The following FAM83B variants were observed in gnomAD, a reference collection of about 807,000 sequenced individuals.
FAM83B encodes scaffolding CK1 anchoring protein B.
A neutral mutation model predicts 38.8 loss-of-function variants in FAM83B; 26 were observed. That is an observed-to-expected ratio of 0.67 (90% CI 0.49 to 0.93). The LOEUF (loss-of-function observed/expected upper bound fraction) is 0.93. Among genes scored for constraint, FAM83B ranks in the 40% least tolerant of loss-of-function variants. FAM83B has a pLI of 0.00. For missense variants in FAM83B, 1,237 were observed against 1,197.3 expected (o/e 1.03, Z -0.49); for synonymous variants, 419 against 423.1 (o/e 0.99, Z 0.12).
At chr6:54,899,893 G>A (rs1383648689) in intron 2 of FAM83B, among the ~76,000 whole-genome samples, 1 of 152,028 alleles carries the variant, frequency 6.6e-6, no homozygotes, top group Non-Finnish European at 1.5e-5. Flanking sequence ...CTGACTGAAG[G>A]TAAGTTGCGC....
At position 54,907,754 on chromosome 6, in the gene FAM83B, A is replaced by T. The variant is rs376156172; in HGVS notation, c.445-18617A>T. On this transcript the variant is annotated intron_variant, in intron 2 of 4. Coordinates refer to ENST00000306858, the MANE Select transcript of FAM83B (RefSeq NM_001010872.3). ...TTCTGTTCCATGCGAGGTTCTGGTTAAACACTGTAATGTTGCCAAATTTTT... is the reference window on the plus strand; with the variant it reads ...TTCTGTTCCATGCGAGGTTCTGGTTTAACACTGTAATGTTGCCAAATTTTT... Among the ~76,000 whole-genome samples the T allele has an allele frequency of 3.3e-5, 5 of 152,144 alleles. No individual in the cohort carries two copies. In the South Asian group the frequency reaches 8.3e-4, roughly 25 times the overall value.
At position 54,926,379 on chromosome 6, in the gene FAM83B, T is replaced by C; in HGVS notation, c.453T>C (p.Ala151=). ...KMIKEARKVI[A]LVMDIFTDVD... ...ATTCTTATATTTAACAGGTCATTGCTTTAGTGATGGATATATTTACAGATG... is the reference window on the plus strand; with the variant it reads ...ATTCTTATATTTAACAGGTCATTGCCTTAGTGATGGATATATTTACAGATG... The change falls in exon 3 of 5, where the codon GCT becomes GCC. Residue 151 remains alanine, a synonymous_variant. Coordinates refer to ENST00000306858, the MANE Select transcript of FAM83B (RefSeq NM_001010872.3). 1 of 1,590,044 alleles carries C rather than the reference T, an allele frequency of 6.3e-7. No homozygotes were observed. Among genetic ancestry groups the C allele is most frequent in the Non-Finnish European group, 8.6e-7 (1 of 1,165,576 alleles).
intron 4 of FAM83B, among the ~76,000 whole-genome samples, chr6:54,931,095 A>G (rs979197332): frequency 2.0e-5 from 3 of 152,130 alleles, no homozygotes; most frequent in African/African-American, 4.8e-5. Context: ...ATTTCCACAT[A>G]TCTGTGAACT....
chr6:54,925,339 A>C (rs1172041646), intron 2 of FAM83B, among the ~76,000 whole-genome samples: 1 of 151,970 alleles, frequency 6.6e-6, no homozygotes, highest in African/African-American at 2.4e-5. Context: ...GTCTTCCCCC[A>C]CTAGAATGTA....
At chr6:54,895,678 G>T (rs1487188050) in intron 2 of FAM83B, among the ~76,000 whole-genome samples, 3 of 152,052 alleles carry the variant, frequency 2.0e-5, no homozygotes, top group Admixed American at 6.6e-5. Flanking sequence ...TTTGTTGAGA[G>T]GGACTTCTAC....
At chr6:54,869,572 G>A (rs1462939802) in intron 1 of FAM83B, among the ~76,000 whole-genome samples, 2 of 151,804 alleles carry the variant, frequency 1.3e-5, no homozygotes, top group South Asian at 4.2e-4. Context: ...TCCTTGTATG[G>A]GATGGAAATA....
intron 2 of FAM83B, among the ~76,000 whole-genome samples, chr6:54,906,189 T>C (rs1282874936): frequency 2.0e-5 from 3 of 152,052 alleles, no homozygotes; most frequent in African/African-American, 4.8e-5. Flanking sequence ...CCACAAGATA[T>C]AGAGTGTCTA....
rs767890059 is a variant in FAM83B, at chr6:54,940,180, T to C, written c.1209T>C (p.Asn403=). Residue 403 remains asparagine, a synonymous_variant, in exon 5 of 5, where the codon AAT becomes AAC. Coordinates refer to ENST00000306858, the MANE Select transcript of FAM83B (RefSeq NM_001010872.3). ...QPETVPYLLL[N]RALNRTNNPP... is the part of the protein sequence containing the mutation. ...AAACAGTGCCATACCTCCTGCTTAA[T>C]AGGGCTCTGAATAGAACCAATAATC... is the stretch of plus-strand genomic sequence containing the variant. 4.3e-6 allele frequency: 7 copies of C among 1,614,094 alleles called. No individual in the cohort carries two copies. The highest frequency in any genetic ancestry group is 1.1e-5 in the South Asian group (1 of 91,082).
intron 2 of FAM83B, among the ~76,000 whole-genome samples, chr6:54,892,122 C>G (rs1161743045): frequency 6.6e-6 from 1 of 152,210 alleles, no homozygotes; most frequent in Non-Finnish European, 1.5e-5. Flanking sequence ...TAGCCACTTG[C>G]CTGAATGATC....
intron 1 of FAM83B, among the ~76,000 whole-genome samples, chr6:54,854,552 T>C (rs1186279550): frequency 6.6e-6 from 1 of 152,224 alleles, no homozygotes; most frequent in Non-Finnish European, 1.5e-5. Context: ...ATAGTTAGCA[T>C]TTCTTTAGGG....
chr6:54,927,580 GA>G lies in FAM83B; in HGVS notation c.684del (p.Glu228AspfsTer6). ...KTGAKFHGKM[E>X]QKFLLVDCQK... The stretch of plus-strand genomic sequence containing the variant: ...AGGGGCAAAATTCCATGGAAAAATG[GA>G]ACAGAAATTTTTGTTAGTTGACTGC... On this transcript the variant is annotated frameshift_variant, in exon 4 of 5. Transcript: ENST00000306858. LOFTEE classifies it high-confidence loss of function. 6.2e-7 allele frequency: 1 copy of G among 1,608,428 alleles called. No homozygotes were observed. The highest frequency in any genetic ancestry group is 8.5e-7 in the Non-Finnish European group (1 of 1,176,580).
intron 2 of FAM83B, among the ~76,000 whole-genome samples, chr6:54,894,687 G>T (rs1772488761): frequency 6.6e-6 from 1 of 152,090 alleles, no homozygotes; most frequent in Non-Finnish European, 1.5e-5. Context: ...TGCTACTTAA[G>T]TTTTTTTGTG....
At chr6:54,859,030 A>G (rs1366023437) in intron 1 of FAM83B, among the ~76,000 whole-genome samples, 2 of 152,082 alleles carry the variant, frequency 1.3e-5, no homozygotes, top group Non-Finnish European at 2.9e-5. Context: ...CTGTATGGGC[A>G]TTATAATTCC....
Position 54,944,160 on chromosome 6 carries a change from G to C in FAM83B, c.*2153G>C, listed in dbSNP as rs760289035. 6.6e-6 allele frequency: 1 copy of C among 151,870 alleles called. No homozygotes were observed. The highest frequency in any genetic ancestry group is 2.4e-5 in the African/African-American group (1 of 41,326). The allele number at this position is 151,870 out of a possible 1,614,324, so 9.4% of individuals were successfully genotyped here. On this transcript the variant is annotated 3_prime_UTR_variant, in exon 5 of 5. Transcript: ENST00000306858. ...GTCTCTGTGGCCAAAACCTCTCCAGGGATAAGACTGAGCAAGAATATAATA... is the reference window on the plus strand; with the variant it reads ...GTCTCTGTGGCCAAAACCTCTCCAGCGATAAGACTGAGCAAGAATATAATA...
chr6:54,884,177 C>CT (rs200070363), intron 2 of FAM83B, among the ~76,000 whole-genome samples: 1,685 of 152,022 alleles, frequency 0.011, 35 homozygotes, highest in African/African-American at 0.039. Context: ...TGGTGTGCGC[C>CT]TGCAGTCCCA....
intron 2 of FAM83B, among the ~76,000 whole-genome samples, chr6:54,909,328 C>T (rs1384053854): frequency 6.6e-6 from 1 of 152,184 alleles, no homozygotes; most frequent in East Asian, 1.9e-4. Context: ...TCCAATCCAA[C>T]TCCCTCTTGG....
At chr6:54,880,413 G>A (rs9396004) in intron 2 of FAM83B, among the ~76,000 whole-genome samples, 134,504 of 149,072 alleles carry the variant, frequency 0.9, 61,089 homozygotes, top group East Asian at 1. Context: ...TGTTTTACTA[G>A]TGCGACAAAT....
intron 2 of FAM83B, among the ~76,000 whole-genome samples, chr6:54,890,808 C>G (rs1772384370): frequency 6.6e-6 from 1 of 152,054 alleles, no homozygotes; most frequent in African/African-American, 2.4e-5. Context: ...ATGTTTTAAA[C>G]TCAACTGAAC....
At chr6:54,853,195 A>G (rs4715487) in intron 1 of FAM83B, among the ~76,000 whole-genome samples, 149,693 of 152,334 alleles carry the variant, frequency 0.98, 73,565 homozygotes, top group Middle Eastern at 1. Flanking sequence ...GAGGTTTAAG[A>G]AAAGAAGCTG....
Sources: allele counts gnomAD v4.1 joint callset (sites outside exome capture counted in the v4.1 genomes callset), GRCh38; gene constraint gnomAD v4.1.1; transcripts MANE v1.5; gene names NCBI Gene and HGNC (gene_info 2026-07-23, HGNC 2026-07-21).